Variants in GTF2H3 observed in about 807,000 individuals in gnomAD.
GTF2H3 encodes general transcription factor IIH subunit 3.
Under a neutral mutation model 51.1 loss-of-function variants are expected in GTF2H3, and 42 were observed. The observed-to-expected ratio is 0.82, with a 90% CI of 0.64 to 1.06. The LOEUF is 1.06. Ranked by LOEUF, GTF2H3 falls within the 50% of genes least tolerant of loss-of-function variation. GTF2H3 has a pLI of 0.00. For missense variants in GTF2H3, 326 were observed against 366.1 expected (o/e 0.89, Z 0.89); for synonymous variants, 123 against 123.8 (o/e 0.99, Z 0.04).
At chr12:123,636,809 C>T (rs1338143115) in intron 1 of GTF2H3, among the ~76,000 whole-genome samples, 1 of 152,056 alleles carries the variant, frequency 6.6e-6, no homozygotes, top group Non-Finnish European at 1.5e-5. Flanking sequence ...CCCGGCTACT[C>T]AGGAGGCTGA....
intron 2 of GTF2H3, among the ~76,000 whole-genome samples, chr12:123,644,980 AGT>A (rs1298402431): frequency 3.3e-5 from 5 of 152,272 alleles, no homozygotes; most frequent in Non-Finnish European, 7.3e-5. Flanking sequence ...AGAAAACTAT[AGT>A]TTTCAAGTGT....
intron 2 of GTF2H3, among the ~76,000 whole-genome samples, chr12:123,641,732 A>G (rs1307498589): frequency 6.6e-6 from 1 of 152,094 alleles, no homozygotes; most frequent in Non-Finnish European, 1.5e-5. Flanking sequence ...TGTATGTATC[A>G]TGAATTTTTT....
rs1955666691 is a variant in GTF2H3, at chr12:123,662,164, C to G, written c.*1929C>G. On this transcript the variant is annotated 3_prime_UTR_variant, in exon 13 of 13. Transcript: ENST00000543341. ...AAAAAAAAAAAAAAAAAAGTCTGTA[C>G]TGATAAAACCCATTGTGTACAAAAC... The G allele has an allele frequency of 6.8e-6, 1 of 146,788 alleles. No individual in the cohort carries two copies. The highest frequency in any genetic ancestry group is 6.8e-5 in the Admixed American group (1 of 14,702). 9.1% of individuals were successfully genotyped at this position (146,788 alleles called of 1,614,324 possible).
chr12:123,636,215 C>T (rs1200246406), intron 1 of GTF2H3, among the ~76,000 whole-genome samples: 3 of 152,038 alleles, frequency 2.0e-5, no homozygotes, highest in Admixed American at 6.6e-5. Context: ...GGAAAATGTC[C>T]TTTGCTGGGT....
chr12:123,644,428 G>T (rs1955419291), intron 2 of GTF2H3, among the ~76,000 whole-genome samples: 2 of 152,114 alleles, frequency 1.3e-5, no homozygotes, highest in Non-Finnish European at 2.9e-5. Context: ...GGCACTTTGG[G>T]AGGCCGAGGC....
intron 1 of GTF2H3, among the ~76,000 whole-genome samples, chr12:123,634,195 CT>C (rs1955237671): frequency 6.6e-6 from 1 of 152,170 alleles, no homozygotes; most frequent in Admixed American, 6.5e-5. Context: ...AATCCCAGCA[CT>C]TTGGGAGGCC....
chr12:123,637,619 C>T (rs1955303569), intron 1 of GTF2H3, among the ~76,000 whole-genome samples: 2 of 151,628 alleles, frequency 1.3e-5, no homozygotes, highest in African/African-American at 4.9e-5. Flanking sequence ...TCTCCTGCCT[C>T]AGCCTCCCGA....
chr12:123,646,805 GTTT>G (rs34544204), intron 3 of GTF2H3, among the ~76,000 whole-genome samples: 5 of 138,346 alleles, frequency 3.6e-5, no homozygotes, highest in Admixed American at 7.3e-5. Context: ...ACCTGTCAAA[GTTT>G]TTTTTTTTTT....
rs374936471 is a variant in GTF2H3, at chr12:123,639,297, A to T, written c.47A>T (p.Asp16Val). ...TTGAATCTTCTGGTTATTGTAGTTG[A>T]TGCCAACCCAATTTGGTGGGGAAAG... The part of the protein sequence containing the change: ...DELNLLVIVV[D>V]ANPIWWGKQA... Residue 16 changes from aspartate to valine, a missense_variant, in exon 2 of 13, where the codon GAT becomes GTT. By Grantham distance (152) the Asp-to-Val change is radical. Coordinates refer to ENST00000543341, the MANE Select transcript of GTF2H3 (RefSeq NM_001516.5). 8.2e-6 allele frequency: 13 copies of T among 1,585,946 alleles called. No individual in the cohort carries two copies. The highest frequency in any genetic ancestry group is 9.5e-6 in the Non-Finnish European group (11 of 1,154,592).
At chr12:123,638,792 C>CTTTTTT (rs775845249) in intron 1 of GTF2H3, among the ~76,000 whole-genome samples, 7 of 119,762 alleles carry the variant, frequency 5.8e-5, no homozygotes, top group Admixed American at 8.5e-5. Flanking sequence ...TGCTTTAAAG[C>CTTTTTT]TTTTTTTTTT....
rs189770703 is a variant in GTF2H3 at position 123,655,918 on chromosome 12, G to C, written c.615+94G>C. 7.9e-6 allele frequency: 6 copies of C among 762,836 alleles called. No individual in the cohort carries two copies. In the African/African-American group the frequency reaches 1.1e-4, roughly 14 times the overall value. 47.3% of individuals were successfully genotyped at this position (762,836 alleles called of 1,614,324 possible). A position where few individuals can be genotyped will look rare whatever the true frequency, so the allele number is the denominator to read the frequency against. ...TAAAATGAAAGCTTTGGGTATATTG[G>C]GTTAAATAAAATATGTTATTCAGCC... On this transcript the variant is annotated intron_variant, in intron 9 of 12. Coordinates refer to ENST00000543341, the MANE Select transcript of GTF2H3 (RefSeq NM_001516.5).
At chr12:123,644,169 G>A (rs1047783459) in intron 2 of GTF2H3, among the ~76,000 whole-genome samples, 5 of 151,942 alleles carry the variant, frequency 3.3e-5, no homozygotes, top group Admixed American at 6.6e-5. Flanking sequence ...AAGAGAAACA[G>A]GCCATATTCC....
intron 7 of GTF2H3, among the ~76,000 whole-genome samples, chr12:123,653,271 T>A (rs1335918931): frequency 6.6e-6 from 1 of 151,900 alleles, no homozygotes; most frequent in East Asian, 1.9e-4. Flanking sequence ...TTCTTGGATG[T>A]CAGTTTTCCC....
intron 1 of GTF2H3, among the ~76,000 whole-genome samples, chr12:123,635,026 A>G (rs1046518964): frequency 5.9e-5 from 9 of 152,172 alleles, no homozygotes; most frequent in African/African-American, 1.9e-4. Context: ...ATAATTGTCC[A>G]TCCTCTCTTA....
intron 1 of GTF2H3, among the ~76,000 whole-genome samples, chr12:123,636,894 G>A (rs1321545266): frequency 6.6e-6 from 1 of 151,964 alleles, no homozygotes; most frequent in Non-Finnish European, 1.5e-5. Context: ...TCCACCCTGG[G>A]CAACAAGAGC....
intron 10 of GTF2H3, 28 bp downstream of exon 10, chr12:123,659,612 T>A (rs780200564): frequency 5.6e-6 from 9 of 1,603,968 alleles, no homozygotes; most frequent in Non-Finnish European, 7.7e-6. Context: ...GCGACCCTGA[T>A]GCCTGGAGGG....
At chr12:123,647,483 G>A (rs915842127) in intron 3 of GTF2H3, among the ~76,000 whole-genome samples, 1 of 151,664 alleles carries the variant, frequency 6.6e-6, no homozygotes, top group African/African-American at 2.4e-5. Flanking sequence ...AAAAAAAAAA[G>A]AGTCATGAAT....
chr12:123,639,972 C>T, intron 2 of GTF2H3: 1 of 455,916 alleles, frequency 2.2e-6, no homozygotes, highest in South Asian at 1.5e-5. Flanking sequence ...CCATCTCATG[C>T]CTCAGCCTCC....
At chr12:123,637,708 T>C (rs1955305005) in intron 1 of GTF2H3, among the ~76,000 whole-genome samples, 1 of 151,938 alleles carries the variant, frequency 6.6e-6, no homozygotes, top group African/African-American at 2.4e-5. Context: ...TTTGCCATAT[T>C]GGCTAGGCTG....
Sources: gnomAD v4.1 joint callset for allele counts (sites outside exome capture counted in the v4.1 genomes callset) on GRCh38, gnomAD v4.1.1 for gene constraint, MANE v1.5 for transcripts, NCBI Gene and HGNC (gene_info 2026-07-23, HGNC 2026-07-21) for gene names.